N4BP2L1: variants seen among roughly 807,000 people sequenced by gnomAD.
The protein encoded by N4BP2L1 is NEDD4 binding protein 2 like 1, also known as NEDD4-binding protein 2-like 1.
A neutral mutation model predicts 21.2 loss-of-function variants in N4BP2L1; 12 were observed. The ratio of observed to expected loss-of-function variants is 0.57; its 90% CI spans 0.36 to 0.92. The LOEUF is 0.92. Among genes scored for constraint, N4BP2L1 ranks in the 40% least tolerant of loss-of-function variants. N4BP2L1 has a pLI of 0.01. For missense variants in N4BP2L1, 259 were observed against 310.6 expected (o/e 0.83, Z 1.25); for synonymous variants, 104 against 112.8 (o/e 0.92, Z 0.49).
intron 1 of N4BP2L1, chr13:32,415,822 T>TA (rs1435458123): frequency 6.6e-6 from 1 of 152,350 alleles, no homozygotes; most frequent in African/African-American, 2.4e-5. Flanking sequence ...TTTGTTGGCT[T>TA]AAAATTCAAC....
intron 1 of N4BP2L1, among the ~76,000 whole-genome samples, chr13:32,414,973 G>T (rs185681623): frequency 7.9e-5 from 12 of 152,284 alleles, no homozygotes; most frequent in African/African-American, 2.9e-4. Flanking sequence ...TTCCCCACAG[G>T]CATTAATATT....
In N4BP2L1 at chr13:32,411,712, T is replaced by A. The variant is rs573229545; in HGVS notation, c.180-3940A>T. 3.0e-6 allele frequency: 3 copies of A among 984,386 alleles called. No homozygotes were observed. The East Asian group carries it at 3.4e-4, about 112-fold the overall frequency. The allele number at this position is 984,386 out of a possible 1,614,324, so 61.0% of individuals were successfully genotyped here. Reference sequence around the variant, plus strand: ...TCAAATTCATTTAAAATCACTATTATAAGAGAAACTCAGGGGCTAATCTTG... The same window carrying A: ...TCAAATTCATTTAAAATCACTATTAAAAGAGAAACTCAGGGGCTAATCTTG... On this transcript the variant is annotated intron_variant, in intron 1 of 4. Coordinates refer to ENST00000380130, the MANE Select transcript of N4BP2L1 (RefSeq NM_052818.3).
At chr13:32,405,294 C>T (rs1315351517) in intron 3 of N4BP2L1, among the ~76,000 whole-genome samples, 9 of 152,082 alleles carry the variant, frequency 5.9e-5, no homozygotes, top group Non-Finnish European at 1.0e-4. Context: ...TGAATCACTT[C>T]AGCTCAGGAG....
chr13:32,428,185 A>G (rs2074910697), upstream of N4BP2L1: 4 of 1,219,144 alleles, frequency 3.3e-6, no homozygotes, highest in East Asian at 2.9e-5. Flanking sequence ...TGATGGATAG[A>G]GGGGCGGGCG....
intron 1 of N4BP2L1, among the ~76,000 whole-genome samples, chr13:32,408,094 C>G (rs1256531880): frequency 6.6e-6 from 1 of 152,208 alleles, no homozygotes; most frequent in Non-Finnish European, 1.5e-5. Context: ...GGCCTGGTGA[C>G]TGTCTTTCTT....
chr13:32,422,895 C>T (rs1013889396), intron 1 of N4BP2L1, among the ~76,000 whole-genome samples: 2 of 152,196 alleles, frequency 1.3e-5, no homozygotes, highest in African/African-American at 4.8e-5. Context: ...TGATATATCA[C>T]CTGTCTGACC....
At chr13:32,421,748 T>C (rs1000864294) in intron 1 of N4BP2L1, among the ~76,000 whole-genome samples, 4 of 152,186 alleles carry the variant, frequency 2.6e-5, no homozygotes, top group Non-Finnish European at 5.9e-5. Context: ...GCCATACATA[T>C]GATCTGCCTT....
At position 32,419,412 on chromosome 13, in the gene N4BP2L1, A is replaced by ATTTTTTTTTTTTT. The variant is rs71071039; in HGVS notation, c.179+8479_179+8491dup. ...GGGTGCTTGCCACCATGCTTGGCTAATTTTTTTTTTTTTTTTTTTTTTTTT... is the reference window on the plus strand; with the variant it reads ...GGGTGCTTGCCACCATGCTTGGCTAATTTTTTTTTTTTTTTTTTTTTTTTTTTTTTTTTTTTTT... On this transcript the variant is annotated intron_variant, in intron 1 of 4. Transcript: ENST00000380130. The ATTTTTTTTTTTTT allele has an allele frequency of 1.5e-3, 440 of 284,678 alleles. 20 individuals carry two copies. The highest frequency in any genetic ancestry group is 2.0e-3 in the Non-Finnish European group (325 of 158,702). The allele number at this position is 284,678 out of a possible 1,614,324, so 17.6% of individuals were successfully genotyped here.
At chr13:32,427,778 G>A (rs1234779572) in intron 1 of N4BP2L1, 126 bp downstream of exon 1, 7 of 460,742 alleles carry the variant, frequency 1.5e-5, no homozygotes, top group East Asian at 6.7e-5. Flanking sequence ...TGGGGCCGGG[G>A]CCGCGGCAGG....
intron 1 of N4BP2L1, among the ~76,000 whole-genome samples, chr13:32,419,636 G>A (rs1037654540): frequency 6.6e-6 from 1 of 151,908 alleles, no homozygotes; most frequent in African/African-American, 2.4e-5. Context: ...GCCGCCATGT[G>A]AAGAAGGACA....
Position 32,428,074 on chromosome 13 carries a change from G to C in N4BP2L1, c.9C>G (p.Asp3Glu). Reference protein sequence around the residue: MEDSFLQSFGRLS... With the variant: MEESFLQSFGRLS... ...GCCTCCCAAAAGATTGAAGGAAACT[G>C]TCCTCCATGGGCAGGAGGGCTGGCT... Residue 3 changes from aspartate to glutamate, a missense_variant, in exon 1 of 5, where the codon GAC (aspartate) becomes GAG (glutamate). This residue lies in a region of N4BP2L1 where 60 missense variants were observed against 54.7 expected (regional missense o/e 1.10). Transcript: ENST00000380130. 1 of 1,478,590 alleles carries C rather than the reference G, an allele frequency of 6.8e-7. No individual in the cohort carries two copies. Among genetic ancestry groups the C allele is most frequent in the African/African-American group, 1.5e-5 (1 of 68,182 alleles). The allele number at this position is 1,478,590 out of a possible 1,614,324, so 91.6% of individuals were successfully genotyped here. A position where few individuals can be genotyped will look rare whatever the true frequency, so the allele number is the denominator to read the frequency against.
chr13:32,418,649 G>A (rs1228113858), intron 1 of N4BP2L1, among the ~76,000 whole-genome samples: 3 of 152,252 alleles, frequency 2.0e-5, no homozygotes, highest in African/African-American at 7.2e-5. Flanking sequence ...CTCAATGCCA[G>A]CTTGTGAAAG....
chr13:32,409,782 G>A (rs886253858), intron 1 of N4BP2L1, among the ~76,000 whole-genome samples: 4 of 152,164 alleles, frequency 2.6e-5, no homozygotes. Context: ...CACACGGGCA[G>A]GAAAGAGAGG....
rs2073144838 is a variant in N4BP2L1 at position 32,401,782 on chromosome 13, T to C, written c.*1160A>G. The C allele has an allele frequency of 7.5e-6, 2 of 265,350 alleles. No homozygotes were observed. The highest frequency in any genetic ancestry group is 2.3e-5 in the African/African-American group (1 of 43,396). 16.4% of individuals were successfully genotyped at this position (265,350 alleles called of 1,614,324 possible). A position where few individuals can be genotyped will look rare whatever the true frequency, so the allele number is the denominator to read the frequency against. On this transcript the variant is annotated 3_prime_UTR_variant, in exon 5 of 5. Coordinates refer to ENST00000380130, the MANE Select transcript of N4BP2L1 (RefSeq NM_052818.3). ...TAATAACCATAAAAGCACCATTATA[T>C]AAGACACTTAAAATAATTTTTCACA... is the stretch of plus-strand genomic sequence containing the variant.
At chr13:32,406,834 G>T (rs939535803) in intron 3 of N4BP2L1, 8 of 171,576 alleles carry the variant, frequency 4.7e-5, no homozygotes, top group Admixed American at 1.7e-4. Context: ...ACAGCACACA[G>T]TGTGGAAATT....
In N4BP2L1 at chr13:32,402,703, T is replaced by G. The variant is rs1381334133; in HGVS notation, c.*239A>C. On this transcript the variant is annotated 3_prime_UTR_variant, in exon 5 of 5. Transcript: ENST00000380130. ...GTTCTCAAGTTTTGGTTTCAAATTC[T>G]TACCCTAGAGAAAGAGACTGTTTAC... 1 of 1,288,008 alleles carries G rather than the reference T, an allele frequency of 7.8e-7. No homozygotes were observed. Among genetic ancestry groups the G allele is most frequent in the Non-Finnish European group, 9.8e-7 (1 of 1,019,978 alleles). The allele number at this position is 1,288,008 out of a possible 1,614,324, so 79.8% of individuals were successfully genotyped here. A position where few individuals can be genotyped will look rare whatever the true frequency, so the allele number is the denominator to read the frequency against.
chr13:32,422,485 T>C (rs1028802543), intron 1 of N4BP2L1, among the ~76,000 whole-genome samples: 10 of 152,224 alleles, frequency 6.6e-5, no homozygotes, highest in African/African-American at 2.4e-4. Flanking sequence ...CCTTTGAAAG[T>C]ATTCTTCCCC....
rs551128032 is a variant in N4BP2L1 at position 32,420,085 on chromosome 13, T to C, written c.179+7819A>G. Among the ~76,000 whole-genome samples the C allele has an allele frequency of 9.2e-5, 14 of 152,340 alleles. No homozygotes were observed. In the East Asian group the frequency reaches 2.5e-3, roughly 27 times the overall value. ...AGCCTCAAGTGTCCCCAAGCCACAG[T>C]GGCTAGGGGGACTCAGGGAACAGTT... On this transcript the variant is annotated intron_variant, in intron 1 of 4. Transcript: ENST00000380130.
At position 32,402,122 on chromosome 13, in the gene N4BP2L1, A is replaced by G; in HGVS notation, c.*820T>C. Reference sequence around the variant, plus strand: ...CGACTAATTACACATGTTAATAGGCATAATTTTAGAAGTCGTTTATTCCTT... The same window carrying G: ...CGACTAATTACACATGTTAATAGGCGTAATTTTAGAAGTCGTTTATTCCTT... On this transcript the variant is annotated 3_prime_UTR_variant, in exon 5 of 5. Transcript: ENST00000380130. The G allele has an allele frequency of 1.0e-6, 1 of 985,102 alleles. No individual in the cohort carries two copies. Among genetic ancestry groups the G allele is most frequent in the Non-Finnish European group, 1.2e-6 (1 of 829,594 alleles). The allele number at this position is 985,102 out of a possible 1,614,324, so 61.0% of individuals were successfully genotyped here.
Sources: allele counts gnomAD v4.1 joint callset (sites outside exome capture counted in the v4.1 genomes callset), GRCh38; gene constraint gnomAD v4.1.1; regional missense constraint gnomAD v4.1.1; transcripts MANE v1.5; gene names NCBI Gene and HGNC (gene_info 2026-07-23, HGNC 2026-07-21).